Variants in ZNF26 observed in about 807,000 individuals in gnomAD.
The protein encoded by ZNF26 is epididymis luminal protein 179.
A neutral mutation model predicts 54.9 loss-of-function variants in ZNF26; 32 were observed. The observed-to-expected ratio is 0.58, with a 90% CI of 0.44 to 0.78. The LOEUF is 0.78. ZNF26 is among the 30% of genes least tolerant of loss of function. The pLI, the probability that ZNF26 is intolerant of heterozygous loss-of-function variation, is 0.00. For synonymous variants in ZNF26, 221 were observed against 209.2 expected, an observed-to-expected ratio of 1.06 and a Z score of -0.49; for missense variants, 524 against 634.0, an observed-to-expected ratio of 0.83 and a Z score of 1.86.
Position 132,986,502 on chromosome 12 carries a change from C to A in ZNF26, c.-339C>A. ...CGCGGAGCTAAGCGGCTCGGATTAT[C>A]CTGGGCAGACCAGAGACTTGACCAG... On this transcript the variant is annotated 5_prime_UTR_variant, in exon 1 of 4. Coordinates refer to ENST00000328654, the MANE Select transcript of ZNF26 (RefSeq NM_019591.4). 1 of 407,904 alleles carries A rather than the reference C, an allele frequency of 2.5e-6. No homozygotes were observed. The highest frequency in any genetic ancestry group is 4.6e-6 in the Non-Finnish European group (1 of 219,070). The allele number at this position is 407,904 out of a possible 1,614,324, so 25.3% of individuals were successfully genotyped here. A position where few individuals can be genotyped will look rare whatever the true frequency, so the allele number is the denominator to read the frequency against.
chr12:132,997,572 C>T (rs367879173), intron 1 of ZNF26, among the ~76,000 whole-genome samples: 2,481 of 152,268 alleles, frequency 0.016, 74 homozygotes, highest in African/African-American at 0.056. Context: ...TGCGCCCTCC[C>T]CTGAACGTTA....
chr12:133,005,132 T>C (rs1953295526), intron 1 of ZNF26: 1 of 152,194 alleles, frequency 6.6e-6, no homozygotes, highest in Admixed American at 6.6e-5. Flanking sequence ...CATTGCCCTA[T>C]TATTTCTCTT....
intron 1 of ZNF26, chr12:133,005,348 G>A (rs774544860): frequency 1.9e-3 from 288 of 152,228 alleles, no homozygotes; most frequent in Admixed American, 4.5e-3. Context: ...GATTGCAGGT[G>A]CCCACCCCCA....
chr12:133,007,875 G>A (rs1953366914), intron 3 of ZNF26, among the ~76,000 whole-genome samples: 2 of 152,076 alleles, frequency 1.3e-5, no homozygotes. Flanking sequence ...ACTTGATGTG[G>A]CTCATTGCCC....
intron 1 of ZNF26, among the ~76,000 whole-genome samples, chr12:133,004,056 G>A (rs1474792979): frequency 6.6e-6 from 1 of 152,034 alleles, no homozygotes; most frequent in African/African-American, 2.4e-5. Context: ...TTTCTTTGGT[G>A]TATCTCATAA....
intron 1 of ZNF26, among the ~76,000 whole-genome samples, chr12:132,989,028 ATTTTTTTTTT>A (rs150395603): frequency 6.3e-5 from 5 of 78,826 alleles, no homozygotes; most frequent in Non-Finnish European, 9.1e-5. Context: ...CTTTCGGTGA[ATTTTTTTTTT>A]TTTTTTTTTT....
At position 132,986,751 on chromosome 12, in the gene ZNF26, C is replaced by A; in HGVS notation, c.-90C>A. 1.4e-6 allele frequency: 2 copies of A among 1,440,340 alleles called. No homozygotes were observed. Among genetic ancestry groups the A allele is most frequent in the Non-Finnish European group, 1.9e-6 (2 of 1,054,126 alleles). The allele number at this position is 1,440,340 out of a possible 1,614,324, so 89.2% of individuals were successfully genotyped here. A position where few individuals can be genotyped will look rare whatever the true frequency, so the allele number is the denominator to read the frequency against. On this transcript the variant is annotated 5_prime_UTR_variant, in exon 1 of 4. Coordinates refer to ENST00000328654, the MANE Select transcript of ZNF26 (RefSeq NM_019591.4). Reference sequence around the variant, plus strand: ...TCAGGAGCCTGGGGCCCTGGTCCCGCACCTGTCTTCGGGCGGACGCATCCC... The same window carrying A: ...TCAGGAGCCTGGGGCCCTGGTCCCGAACCTGTCTTCGGGCGGACGCATCCC...
At position 133,016,632 on chromosome 12, in the gene ZNF26, A is replaced by C. The variant is rs1953570293; in HGVS notation, c.*5151A>C. The C allele has an allele frequency of 6.6e-6, 1 of 151,440 alleles. No homozygotes were observed. Among genetic ancestry groups the C allele is most frequent in the African/African-American group, 2.4e-5 (1 of 41,204 alleles). 9.4% of individuals were successfully genotyped at this position (151,440 alleles called of 1,614,324 possible). ...AAACCCCATCTCTGAAAAAAAAAAA[A>C]TACCCCGGGATGGTGGCTTAGGGCT... On this transcript the variant is annotated 3_prime_UTR_variant, in exon 4 of 4. Coordinates refer to ENST00000328654, the MANE Select transcript of ZNF26 (RefSeq NM_019591.4).
In ZNF26 at chr12:133,026,928, A is replaced by G. The variant is rs1953713072; in HGVS notation, c.*15447A>G. On this transcript the variant is annotated 3_prime_UTR_variant, in exon 4 of 4. Transcript: ENST00000328654. Reference sequence around the variant, plus strand: ...ATGTAGAAATAGAGTGATATGAAACATAAATACCTATATAGGTTAAGAAAA... The same window carrying G: ...ATGTAGAAATAGAGTGATATGAAACGTAAATACCTATATAGGTTAAGAAAA... 1 of 152,244 alleles carries G rather than the reference A, an allele frequency of 6.6e-6. No homozygotes were observed. The highest frequency in any genetic ancestry group is 1.5e-5 in the Non-Finnish European group (1 of 68,042). The allele number at this position is 152,244 out of a possible 1,614,324, so 9.4% of individuals were successfully genotyped here.
intron 1 of ZNF26, among the ~76,000 whole-genome samples, chr12:132,989,323 A>G (rs1018676080): frequency 3.0e-4 from 45 of 152,232 alleles, no homozygotes; most frequent in African/African-American, 1.0e-3. Flanking sequence ...GCCATGAGCC[A>G]CCGTGCCGGG....
chr12:132,998,970 A>G (rs1436968776), intron 1 of ZNF26, among the ~76,000 whole-genome samples: 2 of 152,194 alleles, frequency 1.3e-5, no homozygotes, highest in Non-Finnish European at 2.9e-5. Flanking sequence ...CAATTGCCCT[A>G]AGCTATAAAT....
Position 133,010,723 on chromosome 12 carries a change from G to A in ZNF26, c.844G>A (p.Gly282Arg). 1 of 1,613,458 alleles carries A rather than the reference G, an allele frequency of 6.2e-7. No homozygotes were observed. The highest frequency in any genetic ancestry group is 8.5e-7 in the Non-Finnish European group (1 of 1,179,564). ...QLLLHQRSHT[G>R]VKPYECSECG... ...TCTTTTACACCAGAGAAGTCACACAGGAGTGAAACCGTATGAATGCAGCGA... is the reference window on the plus strand; with the variant it reads ...TCTTTTACACCAGAGAAGTCACACAAGAGTGAAACCGTATGAATGCAGCGA... The change falls in exon 4 of 4, where the codon GGA becomes AGA. Residue 282 changes from glycine (G) to arginine (R), a missense_variant. By Grantham distance (125) the Gly-to-Arg change is moderately radical. Transcript: ENST00000328654.
chr12:133,009,419 C>T (rs1266051713), intron 3 of ZNF26, among the ~76,000 whole-genome samples: 3 of 152,028 alleles, frequency 2.0e-5, no homozygotes, highest in South Asian at 2.1e-4. Context: ...AAGTGAAACC[C>T]CATCTCTACT....
Position 133,001,557 on chromosome 12 carries a change from T to C in ZNF26, c.34-5485T>C. On this transcript the variant is annotated intron_variant, in intron 1 of 3. Coordinates refer to ENST00000328654, the MANE Select transcript of ZNF26 (RefSeq NM_019591.4). This position sits in a 1 kb window ranked among gnomAD's most constrained non-coding sequence, Gnocchi z 4.7. ...CCCTGCAGTTCCATGGTGTATGTGATTCTTTCTCTCACTGCATGCAGACTC... is the reference window on the plus strand; with the variant it reads ...CCCTGCAGTTCCATGGTGTATGTGACTCTTTCTCTCACTGCATGCAGACTC... The C allele has an allele frequency of 1.2e-6, 1 of 832,808 alleles. No individual in the cohort carries two copies. The highest frequency in any genetic ancestry group is 6.3e-5 in the East Asian group (1 of 15,974). The allele number at this position is 832,808 out of a possible 1,614,324, so 51.6% of individuals were successfully genotyped here.
At chr12:132,992,892 C>T (rs888294721) in intron 1 of ZNF26, among the ~76,000 whole-genome samples, 14 of 151,006 alleles carry the variant, frequency 9.3e-5, no homozygotes, top group African/African-American at 3.4e-4. Context: ...CCAGTGTTCT[C>T]TTTGCTTGAA....
intron 1 of ZNF26, among the ~76,000 whole-genome samples, chr12:132,996,814 T>C (rs1593644501): frequency 6.6e-6 from 1 of 152,372 alleles, no homozygotes; most frequent in East Asian, 1.9e-4. Context: ...TGGTGACTGC[T>C]AATGTGCCAA....
chr12:133,010,278 A>C lies in ZNF26; in HGVS notation c.399A>C (p.Lys133Asn). Residue 133 changes from lysine (K) to asparagine (N), a missense_variant, in exon 4 of 4, where the codon AAA becomes AAC. Transcript: ENST00000328654. ...SRQRLYNTRG[K>N]SLTQNSAPSR... ...AGAGACTCTATAACACACGTGGAAA[A>C]AGTTTGACACAAAACTCAGCTCCAA... 1 of 1,614,038 alleles carries C rather than the reference A, an allele frequency of 6.2e-7. No individual in the cohort carries two copies. Among genetic ancestry groups the C allele is most frequent in the Admixed American group, 1.7e-5 (1 of 60,008 alleles).
Position 133,000,550 on chromosome 12 carries a change from G to C in ZNF26, c.34-6492G>C, listed in dbSNP as rs1002696992. ...CGCCATTCTCCTGCCTCAGCCTCCC[G>C]AGTAGCTGGGACTACAGGCGCCCGC... On this transcript the variant is annotated intron_variant, in intron 1 of 3. Coordinates refer to ENST00000328654, the MANE Select transcript of ZNF26 (RefSeq NM_019591.4). 2.7e-5 allele frequency among the ~76,000 whole-genome samples: 4 copies of C among 150,610 alleles called. No individual in the cohort carries two copies. In the South Asian group the frequency reaches 8.4e-4, roughly 32 times the overall value.
In ZNF26 at chr12:133,010,459, A is replaced by C. The variant is rs1953445869; in HGVS notation, c.580A>C (p.Arg194=). The change falls in exon 4 of 4, where the codon AGA becomes CGA. Residue 194 remains arginine (R), a synonymous_variant. Transcript: ENST00000328654. The stretch of plus-strand genomic sequence containing the variant: ...TAAGTCACAGCTCATTGTACATCTC[A>C]GAATTCATACAGGAGAGAGACCTTA... ...RCKSQLIVHL[R]IHTGERPYEC... is the part of the protein sequence containing the mutation. The C allele has an allele frequency of 6.2e-7, 1 of 1,613,944 alleles. No homozygotes were observed. Among genetic ancestry groups the C allele is most frequent in the African/African-American group, 1.3e-5 (1 of 74,884 alleles).
Sources: allele counts gnomAD v4.1 joint callset (sites outside exome capture counted in the v4.1 genomes callset), GRCh38; gene constraint gnomAD v4.1.1; non-coding constraint Gnocchi (gnomAD v3.1); transcripts MANE v1.5; gene names NCBI Gene and HGNC (gene_info 2026-07-23, HGNC 2026-07-21).